SPON1: variants seen among roughly 807,000 people sequenced by gnomAD.
SPON1 encodes spondin-1.
Under a neutral mutation model 111.7 loss-of-function variants are expected in SPON1, and 52 were observed. That is an observed-to-expected ratio of 0.47 (90% CI 0.37 to 0.59). The LOEUF is 0.59. Ranked by LOEUF, SPON1 falls within the 20% of genes least tolerant of loss-of-function variation. The pLI is 0.00. For synonymous variants in SPON1, 410 were observed against 395.8 expected (o/e 1.04, Z -0.43); for missense variants, 957 against 1,068.5 (o/e 0.90, Z 1.46).
chr11:14,211,632 C>T (rs782691717), intron 6 of SPON1, among the ~76,000 whole-genome samples: 2 of 152,030 alleles, frequency 1.3e-5, no homozygotes, highest in Non-Finnish European at 2.9e-5. Context: ...ATCTTATATT[C>T]TTATATTATT....
In SPON1 at chr11:14,023,021, C is replaced by T. The variant is rs938562549; in HGVS notation, c.346-18500C>T. ...TTGTGGGCGGGATCATGTAGGATGA[C>T]GACAGCCAAAGGGAACCATCCAAGG... On this transcript the variant is annotated intron_variant, in intron 2 of 15. Coordinates refer to ENST00000576479, the MANE Select transcript of SPON1 (RefSeq NM_006108.4). Among the ~76,000 whole-genome samples the T allele has an allele frequency of 4.6e-5, 7 of 152,054 alleles. No individual in the cohort carries two copies. In the East Asian group the frequency reaches 9.6e-4, roughly 21 times the overall value.
Position 14,076,933 on chromosome 11 carries a change from C to T in SPON1, c.553+1515C>T, listed in dbSNP as rs146317205. Among the ~76,000 whole-genome samples the T allele has an allele frequency of 5.3e-5, 8 of 152,204 alleles. 1 individual carries two copies. In the South Asian group the frequency reaches 1.7e-3, roughly 32 times the overall value. ...GCTTTTCTTTTTTGTGTTCAACTGC[C>T]TGCAAGTTCACTCAGCCTTTCTCTA... On this transcript the variant is annotated intron_variant, in intron 4 of 15. Coordinates refer to ENST00000576479, the MANE Select transcript of SPON1 (RefSeq NM_006108.4).
At chr11:13,997,962 A>G (rs544198575) in intron 2 of SPON1, among the ~76,000 whole-genome samples, 2 of 152,242 alleles carry the variant, frequency 1.3e-5, no homozygotes, top group African/African-American at 2.4e-5. Flanking sequence ...GTTGCTTCGT[A>G]TACTTTAACT....
rs782051365 is a variant in SPON1, at chr11:14,135,560, C to T, written c.817C>T (p.Arg273Ter). The T allele has an allele frequency of 3.7e-6, 6 of 1,613,022 alleles. No homozygotes were observed. Among genetic ancestry groups the T allele is most frequent in the African/African-American group, 1.3e-5 (1 of 74,996 alleles). The change falls in exon 6 of 16, where the codon CGA (arginine) becomes TGA (stop). Residue 273 changes from arginine to a stop codon, truncating the protein, a stop_gained. Coordinates refer to ENST00000576479, the MANE Select transcript of SPON1 (RefSeq NM_006108.4). LOFTEE classifies it high-confidence loss of function. This position sits in a 1 kb window ranked among gnomAD's most constrained non-coding sequence, Gnocchi z 4.4. ...GSPVKMEEEI[R>*]QQSDEVLTVI... ...ACCCGTGAAAATGGAGGAAGAAATT[C>T]GACAACAGGTAAGACAAAAAAATCA...
At chr11:14,025,503 C>T (rs1848511055) in intron 2 of SPON1, among the ~76,000 whole-genome samples, 1 of 152,128 alleles carries the variant, frequency 6.6e-6, no homozygotes, top group South Asian at 2.1e-4. Context: ...ACCTGAAGCC[C>T]TTAGGAGGTC....
At chr11:14,016,770 C>A (rs1554914329) in intron 2 of SPON1, among the ~76,000 whole-genome samples, 1 of 152,154 alleles carries the variant, frequency 6.6e-6, no homozygotes, top group African/African-American at 2.4e-5. Flanking sequence ...AAGAAGCTGG[C>A]TGTTGACTCA....
At chr11:14,202,760 TA>T (rs1432668884) in intron 6 of SPON1, among the ~76,000 whole-genome samples, 2 of 152,180 alleles carry the variant, frequency 1.3e-5, no homozygotes, top group Non-Finnish European at 2.9e-5. Flanking sequence ...TATCATCAAT[TA>T]TTTTACTCAC....
At chr11:14,231,934 TA>T (rs1848808697) in intron 6 of SPON1, among the ~76,000 whole-genome samples, 1 of 64,414 alleles carries the variant, frequency 1.6e-5, no homozygotes, top group Non-Finnish European at 3.4e-5. Flanking sequence ...ATGGTGGGAT[TA>T]TAGGGTCATT....
At chr11:14,104,256 A>G (rs182609040) in intron 5 of SPON1, among the ~76,000 whole-genome samples, 91 of 151,600 alleles carry the variant, frequency 6.0e-4, no homozygotes, top group South Asian at 4.2e-3. Flanking sequence ...GTTTGAGCTT[A>G]TACTTATTTT....
At chr11:14,035,614 CTT>C (rs57790720) in intron 2 of SPON1, among the ~76,000 whole-genome samples, 56 of 132,246 alleles carry the variant, frequency 4.2e-4, no homozygotes, top group Admixed American at 7.0e-4. Flanking sequence ...ACACTTAGTT[CTT>C]TTTTTTTTTT....
chr11:14,050,672 G>C (rs1461542072), intron 3 of SPON1, among the ~76,000 whole-genome samples: 1 of 152,084 alleles, frequency 6.6e-6, no homozygotes, highest in Non-Finnish European at 1.5e-5. Flanking sequence ...TGAAGGGTGG[G>C]GGTGGTGATT....
intron 2 of SPON1, among the ~76,000 whole-genome samples, chr11:14,039,427 T>A (rs1042502347): frequency 1.3e-5 from 2 of 152,184 alleles, no homozygotes; most frequent in Admixed American, 1.3e-4. Context: ...ACTGTGTGTG[T>A]GTATGTGTGT....
chr11:14,219,728 A>C (rs1278002273), intron 6 of SPON1, among the ~76,000 whole-genome samples: 1 of 152,230 alleles, frequency 6.6e-6, no homozygotes, highest in East Asian at 1.9e-4. Flanking sequence ...TGATGTGTTT[A>C]TCTGCAAGCC....
intron 6 of SPON1, among the ~76,000 whole-genome samples, chr11:14,205,077 A>G (rs549912252): frequency 3.3e-5 from 5 of 152,076 alleles, no homozygotes; most frequent in African/African-American, 9.7e-5. Context: ...CCTTCTCTCT[A>G]TATCAAAGTT....
chr11:14,192,833 G>C (rs1554934713), intron 6 of SPON1, among the ~76,000 whole-genome samples: 1 of 151,712 alleles, frequency 6.6e-6, no homozygotes, highest in East Asian at 1.9e-4. Context: ...CCAAACTGAG[G>C]AATAAAATGA....
At chr11:14,182,325 G>C (rs1554933762) in intron 6 of SPON1, among the ~76,000 whole-genome samples, 1 of 152,188 alleles carries the variant, frequency 6.6e-6, no homozygotes, top group Admixed American at 6.5e-5. Context: ...GCGCGCTGTA[G>C]AAGACATCCC....
chr11:14,168,401 C>G (rs1245765713), intron 6 of SPON1, among the ~76,000 whole-genome samples: 1 of 152,122 alleles, frequency 6.6e-6, no homozygotes. Flanking sequence ...GATTTAAGTG[C>G]TTTTTCTAAG....
At position 14,084,684 on chromosome 11, in the gene SPON1, G is replaced by A. The variant is rs199572713; in HGVS notation, c.676+4663G>A. Among the ~76,000 whole-genome samples, 21 of 152,166 alleles carry A rather than the reference G, an allele frequency of 1.4e-4. No individual in the cohort carries two copies. In the East Asian group the frequency reaches 3.1e-3, roughly 22 times the overall value. On this transcript the variant is annotated intron_variant, in intron 5 of 15. Coordinates refer to ENST00000576479, the MANE Select transcript of SPON1 (RefSeq NM_006108.4). ...TACCCAGTAATAGGATCACTAGGTC[G>A]AATGGCATTTCTGGTTCTAGATCCT...
At chr11:14,009,882 C>T (rs1848390731) in intron 2 of SPON1, among the ~76,000 whole-genome samples, 1 of 152,148 alleles carries the variant, frequency 6.6e-6, no homozygotes, top group South Asian at 2.1e-4. Context: ...CACTTAATCA[C>T]TTCCCAAAGG....
Sources: allele counts gnomAD v4.1 joint callset (sites outside exome capture counted in the v4.1 genomes callset), GRCh38; gene constraint gnomAD v4.1.1; non-coding constraint Gnocchi (gnomAD v3.1); transcripts MANE v1.5; gene names NCBI Gene and HGNC (gene_info 2026-07-23, HGNC 2026-07-21).